The following FZD3 variants were observed in gnomAD, a reference collection of about 807,000 sequenced individuals.
The protein encoded by FZD3 is frizzled class receptor 3, also known as frizzled-3.
A neutral mutation model predicts 60.7 loss-of-function variants in FZD3; 30 were observed. That is an observed-to-expected ratio of 0.49 (90% CI 0.37 to 0.67). The LOEUF is 0.67. Among genes scored for constraint, FZD3 ranks in the 30% least tolerant of loss-of-function variants. FZD3 has a pLI of 0.00. For synonymous variants in FZD3, 246 were observed against 275.2 expected (o/e 0.89, Z 1.05); for missense variants, 605 against 838.7 (o/e 0.72, Z 3.44).
rs1805821264 is a variant in FZD3, at chr8:28,572,281, G to C, written c.*9270G>C. Reference sequence around the variant, plus strand: ...ATCAGATGCTAGCAATTTCATAATAGATATATTCAAGAAGGAACCAAACTT... The same window carrying C: ...ATCAGATGCTAGCAATTTCATAATACATATATTCAAGAAGGAACCAAACTT... On this transcript the variant is annotated 3_prime_UTR_variant, in exon 8 of 8. Transcript: ENST00000240093. The C allele has an allele frequency of 6.6e-6, 1 of 152,072 alleles. No individual in the cohort carries two copies. The highest frequency in any genetic ancestry group is 2.1e-4 in the South Asian group (1 of 4,824). The allele number at this position is 152,072 out of a possible 1,614,324, so 9.4% of individuals were successfully genotyped here. A position where few individuals can be genotyped will look rare whatever the true frequency, so the allele number is the denominator to read the frequency against.
chr8:28,551,081 T>TAG (rs1389317248), intron 5 of FZD3, among the ~76,000 whole-genome samples: 9 of 152,074 alleles, frequency 5.9e-5, no homozygotes, highest in East Asian at 3.9e-4. Flanking sequence ...ATCTATCATC[T>TAG]ATCTAGATAG....
chr8:28,515,627 C>T (rs1804405308), intron 3 of FZD3, among the ~76,000 whole-genome samples: 1 of 152,174 alleles, frequency 6.6e-6, no homozygotes, highest in African/African-American at 2.4e-5. Context: ...CCTTACCAGT[C>T]TAGCCTTCCT....
intron 3 of FZD3, among the ~76,000 whole-genome samples, chr8:28,504,732 T>G (rs1389127796): frequency 6.6e-6 from 1 of 152,232 alleles, no homozygotes; most frequent in East Asian, 1.9e-4. Context: ...CAAATATTAA[T>G]TCTACTCCAA....
At chr8:28,522,098 T>C (rs1334757918) in intron 4 of FZD3, among the ~76,000 whole-genome samples, 1 of 151,168 alleles carries the variant, frequency 6.6e-6, no homozygotes, top group Non-Finnish European at 1.5e-5. Context: ...TTTTCTTTTC[T>C]CTTCTCTTTT....
chr8:28,560,640 T>C (rs964501947), intron 7 of FZD3, among the ~76,000 whole-genome samples: 2 of 152,196 alleles, frequency 1.3e-5, no homozygotes, highest in Non-Finnish European at 2.9e-5. Flanking sequence ...AAGATAACTT[T>C]ATATCATTAC....
rs554023128 is a variant in FZD3, at chr8:28,571,188, G to C, written c.*8177G>C. The C allele has an allele frequency of 2.0e-5, 3 of 152,096 alleles. No individual in the cohort carries two copies. The highest frequency in any genetic ancestry group is 1.3e-4 in the Admixed American group (2 of 15,266). The allele number at this position is 152,096 out of a possible 1,614,324, so 9.4% of individuals were successfully genotyped here. A position where few individuals can be genotyped will look rare whatever the true frequency, so the allele number is the denominator to read the frequency against. ...GTAAGATAAAGCAAGTAATCCTAGA[G>C]TGATTTACTTTATGTTTAGCCATCC... On this transcript the variant is annotated 3_prime_UTR_variant, in exon 8 of 8. Coordinates refer to ENST00000240093, the MANE Select transcript of FZD3 (RefSeq NM_017412.4).
chr8:28,525,529 C>T (rs369698190), intron 4 of FZD3, among the ~76,000 whole-genome samples: 3 of 152,102 alleles, frequency 2.0e-5, no homozygotes, highest in South Asian at 2.1e-4. Flanking sequence ...AGTGGAACCA[C>T]GCTTCCTAAA....
intron 7 of FZD3, among the ~76,000 whole-genome samples, chr8:28,562,346 A>C (rs1192798225): frequency 6.6e-6 from 1 of 151,618 alleles, no homozygotes; most frequent in Non-Finnish European, 1.5e-5. Flanking sequence ...CTCTGATTTC[A>C]TATTCTCCCT....
At chr8:28,499,298 A>G (rs577498139) in intron 1 of FZD3, among the ~76,000 whole-genome samples, 33 of 152,264 alleles carry the variant, frequency 2.2e-4, no homozygotes, top group African/African-American at 7.9e-4. Flanking sequence ...TTTAAATTTT[A>G]TTTTTTATTT....
intron 3 of FZD3, among the ~76,000 whole-genome samples, chr8:28,503,403 T>C (rs1309009878): frequency 2.6e-5 from 4 of 152,208 alleles, no homozygotes; most frequent in African/African-American, 9.6e-5. Context: ...GTTACTCTTA[T>C]ATTTTAGACA....
chr8:28,502,351 A>G (rs1804018065), intron 2 of FZD3, among the ~76,000 whole-genome samples: 2 of 152,240 alleles, frequency 1.3e-5, no homozygotes, highest in African/African-American at 4.8e-5. Flanking sequence ...GGACAATAGC[A>G]TAATAATTTT....
Position 28,566,996 on chromosome 8 carries a change from T to A in FZD3, c.*3985T>A, listed in dbSNP as rs2130485964. ...AATTATTCTACTTAAAAAAATTTTT[T>A]ATAGAGACAGGGTCTTGCTCTGTCA... On this transcript the variant is annotated 3_prime_UTR_variant, in exon 8 of 8. Transcript: ENST00000240093. 1 of 152,274 alleles carries A rather than the reference T, an allele frequency of 6.6e-6. No homozygotes were observed. The highest frequency in any genetic ancestry group is 2.1e-4 in the South Asian group (1 of 4,818). The allele number at this position is 152,274 out of a possible 1,614,324, so 9.4% of individuals were successfully genotyped here.
chr8:28,535,937 G>A (rs1804999611), intron 5 of FZD3, among the ~76,000 whole-genome samples: 1 of 152,184 alleles, frequency 6.6e-6, no homozygotes, highest in African/African-American at 2.4e-5. Context: ...CGTTAAAAAT[G>A]TGGGCTTTAA....
At chr8:28,508,100 G>A (rs1804188711) in intron 3 of FZD3, among the ~76,000 whole-genome samples, 1 of 151,802 alleles carries the variant, frequency 6.6e-6, no homozygotes, top group Admixed American at 6.6e-5. Context: ...TCACTATGTT[G>A]CCCAGGCTGG....
chr8:28,521,703 AAACAATACAG>A (rs1260240449), intron 4 of FZD3, among the ~76,000 whole-genome samples: 5 of 152,330 alleles, frequency 3.3e-5, no homozygotes, highest in African/African-American at 1.2e-4. Context: ...GCATATCCAT[AAACAATACAG>A]CTTTTTTGTA....
At position 28,527,303 on chromosome 8, in the gene FZD3, T is replaced by C. The variant is rs746823681; in HGVS notation, c.543T>C (p.His181=). The C allele has an allele frequency of 6.2e-7, 1 of 1,614,082 alleles. No homozygotes were observed. Among genetic ancestry groups the C allele is most frequent in the Non-Finnish European group, 8.5e-7 (1 of 1,179,952 alleles). ...IDPDLGYSFL[H]VRDCSPPCPN... The stretch of plus-strand genomic sequence containing the variant: ...CTGATCTGGGTTATTCTTTTCTGCA[T>C]GTGCGTGATTGTTCACCTCCTTGTC... The change falls in exon 5 of 8, where the codon CAT becomes CAC. Residue 181 remains histidine (H), a synonymous_variant. Coordinates refer to ENST00000240093, the MANE Select transcript of FZD3 (RefSeq NM_017412.4). The surrounding 1 kb of genome is among the most constrained non-coding windows in gnomAD (Gnocchi z 5.0).
rs1805696873 is a variant in FZD3 at position 28,565,883 on chromosome 8, C to A, written c.*2872C>A. On this transcript the variant is annotated 3_prime_UTR_variant, in exon 8 of 8. Transcript: ENST00000240093. ...GGCATATGATAATGTTTAGTGTTTT[C>A]TTTTTTCAGTTGACAACTGAGAAAA... The A allele has an allele frequency of 1.3e-5, 2 of 151,982 alleles. No homozygotes were observed. The highest frequency in any genetic ancestry group is 4.8e-5 in the African/African-American group (2 of 41,392). The allele number at this position is 151,982 out of a possible 1,614,324, so 9.4% of individuals were successfully genotyped here.
chr8:28,499,839 A>G (rs1483265811), intron 1 of FZD3, 94 bp from the exon 2 acceptor site: 1 of 152,160 alleles, frequency 6.6e-6, no homozygotes, highest in African/African-American at 2.4e-5. Flanking sequence ...TTCTATTAAA[A>G]TGTTATCCCC....
chr8:28,521,952 T>C (rs1480832064), intron 4 of FZD3, among the ~76,000 whole-genome samples: 2 of 152,224 alleles, frequency 1.3e-5, no homozygotes, highest in East Asian at 1.9e-4. Context: ...GTAAAGCAGA[T>C]GTTGTTACTC....
Sources: allele counts gnomAD v4.1 joint callset (sites outside exome capture counted in the v4.1 genomes callset), GRCh38; gene constraint gnomAD v4.1.1; non-coding constraint Gnocchi (gnomAD v3.1); transcripts MANE v1.5; gene names NCBI Gene and HGNC (gene_info 2026-07-23, HGNC 2026-07-21).